The following KLHL23 variants were observed in gnomAD, a reference collection of about 807,000 sequenced individuals.
KLHL23 encodes the protein kelch like family member 23.
A neutral mutation model predicts 48.9 loss-of-function variants in KLHL23; 33 were observed. That is an observed-to-expected ratio of 0.67 (90% CI 0.51 to 0.90). The LOEUF (loss-of-function observed/expected upper bound fraction) is 0.90, where lower values mean the gene tolerates loss of function less well. KLHL23 is among the 40% of genes least tolerant of loss of function. The pLI is 0.00. For missense variants in KLHL23, 608 were observed against 669.6 expected (o/e 0.91, Z 1.02); for synonymous variants, 234 against 231.6 (o/e 1.01, Z -0.09).
At chr2:169,741,661 A>C (rs1271703144) in intron 3 of KLHL23, 124 bp downstream of exon 3, 2 of 1,190,648 alleles carry the variant, frequency 1.7e-6, no homozygotes, top group Non-Finnish European at 2.3e-6. Context: ...GGGTAGAATT[A>C]AAAGTCTCAA....
chr2:169,750,149 T>C lies in KLHL23; in HGVS notation c.*417T>C. ...ATACACATATATACGTATATATGTG[T>C]ATATATATACACAGTTGAATCAGTG... On this transcript the variant is annotated 3_prime_UTR_variant, in exon 4 of 4. Transcript: ENST00000392647. 1 of 141,992 alleles carries C rather than the reference T, an allele frequency of 7.0e-6. No homozygotes were observed. Among genetic ancestry groups the C allele is most frequent in the Admixed American group, 6.9e-5 (1 of 14,566 alleles). 8.8% of individuals were successfully genotyped at this position (141,992 alleles called of 1,614,324 possible).
In KLHL23 at chr2:169,735,104, C is replaced by T; in HGVS notation, c.90C>T (p.Tyr30=). The change falls in exon 2 of 4, where the codon TAC becomes TAT. Residue 30 remains tyrosine (Y), a synonymous_variant. Transcript: ENST00000392647. The surrounding 1 kb of genome is among the most constrained non-coding windows in gnomAD (Gnocchi z 4.5). ...TTCTGGATGCATTCAGAACATTTTA[C>T]TTGGATGGATTATTTACTGATATTA... ...VDFLDAFRTF[Y]LDGLFTDITL... 3 of 1,608,458 alleles carry T rather than the reference C, an allele frequency of 1.9e-6. No individual in the cohort carries two copies. Among genetic ancestry groups the T allele is most frequent in the East Asian group, 2.2e-5 (1 of 44,840 alleles).
intron 3 of KLHL23, among the ~76,000 whole-genome samples, chr2:169,744,236 A>G (rs935286365): frequency 6.6e-6 from 1 of 152,232 alleles, no homozygotes; most frequent in Non-Finnish European, 1.5e-5. Context: ...TAAGTTCTGT[A>G]AAAACAAGTG....
intron 3 of KLHL23, among the ~76,000 whole-genome samples, chr2:169,747,389 T>TAAAAAAAAAA (rs10690582): frequency 1.0e-4 from 7 of 69,222 alleles, no homozygotes; most frequent in Non-Finnish European, 1.5e-4. Flanking sequence ...ACTCTGTCTC[T>TAAAAAAAAAA]AAAAAAAAAA....
chr2:169,747,234 C>T (rs545637757), intron 3 of KLHL23, among the ~76,000 whole-genome samples: 10 of 151,738 alleles, frequency 6.6e-5, no homozygotes, highest in South Asian at 2.1e-4. Flanking sequence ...CATGGTGGTG[C>T]GCACCCGTAA....
rs540128207 is a variant in KLHL23, at chr2:169,750,678, G to A, written c.*946G>A. ...GACTACCAGAGATATACAAAATACT[G>A]TGCAAAAGATTGTTACTGTTCAAAG... On this transcript the variant is annotated 3_prime_UTR_variant, in exon 4 of 4. Transcript: ENST00000392647. 5 of 152,034 alleles carry A rather than the reference G, an allele frequency of 3.3e-5. No homozygotes were observed. The highest frequency in any genetic ancestry group is 5.9e-5 in the Non-Finnish European group (4 of 67,998). 9.4% of individuals were successfully genotyped at this position (152,034 alleles called of 1,614,324 possible). A position where few individuals can be genotyped will look rare whatever the true frequency, so the allele number is the denominator to read the frequency against.
intron 3 of KLHL23, among the ~76,000 whole-genome samples, chr2:169,744,567 T>A (rs558195984): frequency 1.3e-5 from 2 of 151,706 alleles, no homozygotes; most frequent in South Asian, 4.2e-4. Flanking sequence ...GGGTAATTTT[T>A]TTTTTTTTTG....
intron 2 of KLHL23, among the ~76,000 whole-genome samples, chr2:169,736,811 A>G (rs1355840196): frequency 6.6e-6 from 1 of 152,188 alleles, no homozygotes; most frequent in Non-Finnish European, 1.5e-5. Flanking sequence ...AAAAAGTTAA[A>G]CGGGAATCTT....
At chr2:169,743,132 T>C (rs1688715457) in intron 3 of KLHL23, among the ~76,000 whole-genome samples, 1 of 152,230 alleles carries the variant, frequency 6.6e-6, no homozygotes, top group Non-Finnish European at 1.5e-5. Flanking sequence ...TAGATGTTAC[T>C]CTGCCTATTT....
intron 2 of KLHL23, 86 bp from the exon 3 acceptor site, chr2:169,741,299 C>A: frequency 6.6e-7 from 1 of 1,507,896 alleles, no homozygotes; most frequent in Non-Finnish European, 8.9e-7. Flanking sequence ...TCAGTAATAA[C>A]AAAAACAACA....
intron 3 of KLHL23, among the ~76,000 whole-genome samples, chr2:169,744,951 T>G (rs1347343463): frequency 6.6e-6 from 1 of 151,696 alleles, no homozygotes; most frequent in African/African-American, 2.4e-5. Flanking sequence ...TTGTTTTTTT[T>G]TTTTTAAAGA....
intron 2 of KLHL23, among the ~76,000 whole-genome samples, chr2:169,739,712 A>G (rs1400418435): frequency 6.6e-6 from 1 of 152,190 alleles, no homozygotes; most frequent in Non-Finnish European, 1.5e-5. Flanking sequence ...TGTTCTAATT[A>G]CAGCCATGTG....
chr2:169,736,570 C>T (rs1688522940), intron 2 of KLHL23, among the ~76,000 whole-genome samples: 1 of 152,152 alleles, frequency 6.6e-6, no homozygotes, highest in African/African-American at 2.4e-5. Context: ...TTCATTAAAA[C>T]CTTGGAAGGT....
In KLHL23 at chr2:169,747,389, T is replaced by TAAAA. The variant is rs10690582; in HGVS notation, c.1367-2017_1367-2014dup. On this transcript the variant is annotated intron_variant, in intron 3 of 3. Transcript: ENST00000392647. ...GGGAGACAGAGCGAGACTCTGTCTC[T>TAAAA]AAAAAAAAAAAAAAAAAAACTGAGG... Among the ~76,000 whole-genome samples, 39 of 69,234 alleles carry TAAAA rather than the reference T, an allele frequency of 5.6e-4. 2 individuals are homozygous for TAAAA. The highest frequency in any genetic ancestry group is 8.7e-4 in the African/African-American group (17 of 19,528). The allele number at this position is 69,234 out of a possible 152,430, so 45.4% of individuals were successfully genotyped here. A position where few individuals can be genotyped will look rare whatever the true frequency, so the allele number is the denominator to read the frequency against.
chr2:169,735,066 C>T lies in KLHL23; in HGVS notation c.52C>T (p.His18Tyr). Reference protein sequence around the residue: ...DYIYLFKDSTHPVDFLDAFRT... With the variant: ...DYIYLFKDSTYPVDFLDAFRT... ...TATTTATCTTTTCAAGGATTCAACA[C>T]ATCCAGTGGATTTTCTGGATGCATT... Residue 18 changes from histidine to tyrosine, a missense_variant, in exon 2 of 4, where the codon CAT becomes TAT. This residue lies in a region of KLHL23 where 419 missense variants were observed against 473.1 expected (regional missense o/e 0.89). Coordinates refer to ENST00000392647, the MANE Select transcript of KLHL23 (RefSeq NM_144711.6). This position sits in a 1 kb window ranked among gnomAD's most constrained non-coding sequence, Gnocchi z 4.5. The T allele has an allele frequency of 6.3e-7, 1 of 1,594,360 alleles. No individual in the cohort carries two copies. The highest frequency in any genetic ancestry group is 1.2e-5 in the South Asian group (1 of 86,138).
At chr2:169,736,756 T>C (rs1416654307) in intron 2 of KLHL23, among the ~76,000 whole-genome samples, 1 of 152,254 alleles carries the variant, frequency 6.6e-6, no homozygotes, top group African/African-American at 2.4e-5. Flanking sequence ...TTTTCTGCTG[T>C]GTTTGGCGAT....
At chr2:169,734,164 G>T in intron 1 of KLHL23, 77 bp downstream of exon 1, 1 of 147,484 alleles carries the variant, frequency 6.8e-6, no homozygotes, top group South Asian at 1.8e-4. Context: ...AGCGGGGCCG[G>T]GCGCGGGCAG....
rs1372496603 is a variant in KLHL23 at position 169,735,344 on chromosome 2, G to T, written c.330G>T (p.Leu110=). ...IEITKRNVQS[L]LEAADLLQFL... is the part of the protein sequence containing the mutation. Reference sequence around the variant, plus strand: ...TAACTAAAAGAAATGTTCAAAGCCTGCTTGAGGCAGCGGATCTGCTACAGT... The same window carrying T: ...TAACTAAAAGAAATGTTCAAAGCCTTCTTGAGGCAGCGGATCTGCTACAGT... The change falls in exon 2 of 4, where the codon CTG becomes CTT. Residue 110 remains leucine, a synonymous_variant. Coordinates refer to ENST00000392647, the MANE Select transcript of KLHL23 (RefSeq NM_144711.6). The surrounding 1 kb of genome is among the most constrained non-coding windows in gnomAD (Gnocchi z 4.5). 6.2e-7 allele frequency: 1 copy of T among 1,612,966 alleles called. No individual in the cohort carries two copies. Among genetic ancestry groups the T allele is most frequent in the African/African-American group, 1.3e-5 (1 of 74,884 alleles).
Position 169,733,988 on chromosome 2 carries a change from G to T in KLHL23, c.-102G>T, listed in dbSNP as rs1390421943. The T allele has an allele frequency of 6.6e-6, 1 of 151,940 alleles. No homozygotes were observed. The highest frequency in any genetic ancestry group is 1.5e-5 in the Non-Finnish European group (1 of 68,006). 9.4% of individuals were successfully genotyped at this position (151,940 alleles called of 1,614,324 possible). On this transcript the variant is annotated 5_prime_UTR_variant, in exon 1 of 4. Transcript: ENST00000392647. ...GGAGCGGCACTAGCTGGCGGCTTCC[G>T]AGCGCCTCTTCCAAAGATGGTCAGA...
Sources: allele counts gnomAD v4.1 joint callset (sites outside exome capture counted in the v4.1 genomes callset), GRCh38; gene constraint gnomAD v4.1.1; regional missense constraint gnomAD v4.1.1; non-coding constraint Gnocchi (gnomAD v3.1); transcripts MANE v1.5; gene names NCBI Gene and HGNC (gene_info 2026-07-23, HGNC 2026-07-21).